Variants in DOCK4 observed in about 807,000 individuals in gnomAD.
DOCK4 encodes the protein dedicator of cytokinesis 4, also known as dedicator of cytokinesis protein 4.
In DOCK4, 97 loss-of-function variants were observed where a neutral mutation model predicts 268.1. The observed-to-expected ratio is 0.36, with a 90% CI of 0.31 to 0.43. The LOEUF is 0.43. DOCK4 is among the 20% of genes least tolerant of loss of function. The pLI, the probability that DOCK4 is intolerant of heterozygous loss-of-function variation, is 1.00. For missense variants in DOCK4, 2,145 were observed against 2,455.7 expected (o/e 0.87, Z 2.67); for synonymous variants, 954 against 887.2 (o/e 1.08, Z -1.34).
chr7:111,960,378 G>A (rs1450752490), intron 8 of DOCK4, among the ~76,000 whole-genome samples: 4 of 145,254 alleles, frequency 2.8e-5, no homozygotes, highest in African/African-American at 7.7e-5. Flanking sequence ...AAAAAAAAAA[G>A]AAAAGAAAAA....
At position 111,769,565 on chromosome 7, in the gene DOCK4, C is replaced by T. The variant is rs140115413; in HGVS notation, c.3792G>A (p.Leu1264=). 3 of 1,613,746 alleles carry T rather than the reference C, an allele frequency of 1.9e-6. No individual in the cohort carries two copies. Among genetic ancestry groups the T allele is most frequent in the Non-Finnish European group, 1.7e-6 (2 of 1,179,760 alleles). ...CAAAGTTCTGGATGATGGTGAGGTG[C>T]AGGTGCTCTTTGCGCTGCCATTCTG... is the stretch of plus-strand genomic sequence containing the variant. The part of the protein sequence containing the change: ...MQTEWQRKEH[L]HLTIIQNFDR... Residue 1264 remains leucine, a synonymous_variant, in exon 37 of 53, where the codon CTG becomes CTA. Transcript: ENST00000428084.
At chr7:112,132,000 T>C (rs781342565) in intron 1 of DOCK4, among the ~76,000 whole-genome samples, 8 of 152,278 alleles carry the variant, frequency 5.3e-5, no homozygotes, top group East Asian at 3.9e-4. Context: ...AGCATCATCA[T>C]TGTGAGCCTG....
At chr7:111,995,498 T>C (rs1799888603) in intron 4 of DOCK4, among the ~76,000 whole-genome samples, 1 of 149,132 alleles carries the variant, frequency 6.7e-6, no homozygotes, top group Admixed American at 6.7e-5. Context: ...TTACTACCAC[T>C]GCTTCCCAAA....
chr7:111,988,176 G>C (rs1799199637), intron 6 of DOCK4, among the ~76,000 whole-genome samples: 1 of 151,972 alleles, frequency 6.6e-6, no homozygotes, highest in Admixed American at 6.6e-5. Flanking sequence ...GTTGCCCTAA[G>C]ATCCTCTGAA....
intron 13 of DOCK4, among the ~76,000 whole-genome samples, chr7:111,913,981 T>G (rs765115865): frequency 7.2e-5 from 11 of 152,152 alleles, no homozygotes; most frequent in Non-Finnish European, 1.2e-4. Context: ...AAGCAGGTAC[T>G]TGCTATTAGT....
intron 16 of DOCK4, among the ~76,000 whole-genome samples, chr7:111,879,864 G>T (rs1442290310): frequency 6.6e-6 from 1 of 152,064 alleles, no homozygotes; most frequent in African/African-American, 2.4e-5. Context: ...CAGGCTATTT[G>T]AAAATACACA....
chr7:112,204,943 G>A (rs903659770), intron 1 of DOCK4, among the ~76,000 whole-genome samples: 2 of 151,690 alleles, frequency 1.3e-5, no homozygotes, highest in Non-Finnish European at 2.9e-5. Flanking sequence ...GGCATTATAG[G>A]AAATAAAGAG....
intron 16 of DOCK4, among the ~76,000 whole-genome samples, chr7:111,886,186 T>TA (rs1276744994): frequency 3.3e-5 from 5 of 152,190 alleles, no homozygotes; most frequent in South Asian, 4.2e-4. Context: ...GTAATCACAT[T>TA]AAAAAAATAC....
chr7:111,846,745 T>C (rs1347748960), intron 24 of DOCK4, among the ~76,000 whole-genome samples: 2 of 152,308 alleles, frequency 1.3e-5, no homozygotes, highest in South Asian at 4.1e-4. Context: ...GGCTTTGAGA[T>C]TTCTCATTTT....
At chr7:112,001,789 T>C (rs1368772563) in intron 2 of DOCK4, among the ~76,000 whole-genome samples, 1 of 152,220 alleles carries the variant, frequency 6.6e-6, no homozygotes, top group African/African-American at 2.4e-5. Flanking sequence ...ATGTAGGATG[T>C]ATAAGGTTCA....
chr7:111,888,769 G>A (rs1488318926), intron 16 of DOCK4, among the ~76,000 whole-genome samples: 3 of 152,098 alleles, frequency 2.0e-5, no homozygotes, highest in South Asian at 4.1e-4. Flanking sequence ...ACAAGTTGGT[G>A]GAAGACAGTA....
At chr7:111,798,080 A>G (rs1487664904) in intron 30 of DOCK4, among the ~76,000 whole-genome samples, 1 of 152,222 alleles carries the variant, frequency 6.6e-6, no homozygotes, top group Non-Finnish European at 1.5e-5. Context: ...AAAGTCCAGG[A>G]TCCCCGAGGT....
intron 1 of DOCK4, among the ~76,000 whole-genome samples, chr7:112,132,668 C>T (rs1813917864): frequency 6.6e-6 from 1 of 152,132 alleles, no homozygotes; most frequent in Admixed American, 6.5e-5. Context: ...CTTGCTATTT[C>T]ACCTCCATTC....
intron 23 of DOCK4, among the ~76,000 whole-genome samples, 159 bp from the exon 24 acceptor site, chr7:111,847,285 G>A (rs1804183993): frequency 6.6e-6 from 1 of 152,198 alleles, no homozygotes; most frequent in Non-Finnish European, 1.5e-5. Flanking sequence ...AAAAACAGCA[G>A]TTCCTTTCCC....
chr7:112,051,903 C>T (rs1043430998), intron 1 of DOCK4, among the ~76,000 whole-genome samples: 3 of 151,996 alleles, frequency 2.0e-5, no homozygotes, highest in African/African-American at 7.2e-5. Context: ...AGATATCTAT[C>T]GATATTTATA....
intron 14 of DOCK4, among the ~76,000 whole-genome samples, 162 bp downstream of exon 14, chr7:111,901,511 CAAAA>C (rs1247383765): frequency 6.6e-6 from 1 of 151,024 alleles, no homozygotes; most frequent in African/African-American, 2.4e-5. Context: ...AATTAAAAAA[CAAAA>C]GAAAGAAAAC....
intron 36 of DOCK4, among the ~76,000 whole-genome samples, chr7:111,775,668 A>C (rs1262553762): frequency 6.6e-6 from 1 of 152,236 alleles, no homozygotes; most frequent in Non-Finnish European, 1.5e-5. Flanking sequence ...TACTGGGTAG[A>C]AGATCCCCTG....
At chr7:112,126,932 A>C (rs1377636035) in intron 1 of DOCK4, among the ~76,000 whole-genome samples, 1 of 151,968 alleles carries the variant, frequency 6.6e-6, no homozygotes, top group Non-Finnish European at 1.5e-5. Context: ...GAGGATGTGG[A>C]GAAATAGGAA....
intron 5 of DOCK4, among the ~76,000 whole-genome samples, chr7:111,989,909 G>C (rs1799383645): frequency 6.6e-6 from 1 of 152,190 alleles, no homozygotes; most frequent in Admixed American, 6.5e-5. Flanking sequence ...CTGCAAGGCT[G>C]TTTTATGGAT....
Sources: gnomAD v4.1 joint callset for allele counts (sites outside exome capture counted in the v4.1 genomes callset) on GRCh38, gnomAD v4.1.1 for gene constraint, MANE v1.5 for transcripts, NCBI Gene and HGNC (gene_info 2026-07-23, HGNC 2026-07-21) for gene names.